The following KCNH8 variants were observed in gnomAD, a reference collection of about 807,000 sequenced individuals.
KCNH8 encodes potassium voltage-gated channel subfamily H member 8.
A neutral mutation model predicts 103.6 loss-of-function variants in KCNH8; 70 were observed. The ratio of observed to expected loss-of-function variants is 0.68; its 90% CI spans 0.56 to 0.82. KCNH8 has a LOEUF of 0.82. KCNH8 is among the 40% of genes least tolerant of loss of function. The pLI, the probability that KCNH8 is intolerant of heterozygous loss-of-function variation, is 0.00. For synonymous variants in KCNH8, 498 were observed against 489.4 expected, an observed-to-expected ratio of 1.02 and a Z score of -0.23; for missense variants, 1,217 against 1,329.9, an observed-to-expected ratio of 0.92 and a Z score of 1.32.
At chr3:19,376,011 A>C (rs996345071) in intron 5 of KCNH8, among the ~76,000 whole-genome samples, 3 of 152,118 alleles carry the variant, frequency 2.0e-5, no homozygotes, top group African/African-American at 4.8e-5. Flanking sequence ...AAGCTGTCAG[A>C]CAGGGACATT....
chr3:19,487,813 C>A (rs534055179), intron 11 of KCNH8, among the ~76,000 whole-genome samples: 9 of 152,164 alleles, frequency 5.9e-5, no homozygotes, highest in Admixed American at 2.0e-4. Flanking sequence ...AGTCTCTTCC[C>A]AGCAAAGGCA....
At chr3:19,488,550 G>T (rs1052542569) in intron 11 of KCNH8, among the ~76,000 whole-genome samples, 1 of 152,116 alleles carries the variant, frequency 6.6e-6, no homozygotes, top group Non-Finnish European at 1.5e-5. Flanking sequence ...GTGTACATAC[G>T]GTAAGCCTCA....
chr3:19,224,271 G>A (rs1448528773), intron 1 of KCNH8, among the ~76,000 whole-genome samples: 2 of 151,934 alleles, frequency 1.3e-5, no homozygotes, highest in Non-Finnish European at 2.9e-5. Context: ...TTCCAACTTA[G>A]AAAATATTTA....
chr3:19,275,499 G>A (rs1196711047), intron 2 of KCNH8, among the ~76,000 whole-genome samples: 1 of 152,040 alleles, frequency 6.6e-6, no homozygotes, highest in Non-Finnish European at 1.5e-5. Flanking sequence ...TTGACCCGAC[G>A]TAAATTCAGT....
rs572750768 is a variant in KCNH8, at chr3:19,401,344, G to A, written c.1177+6033G>A. On this transcript the variant is annotated intron_variant, in intron 7 of 15. Coordinates refer to ENST00000328405, the MANE Select transcript of KCNH8 (RefSeq NM_144633.3). ...TCAGTCCTTTCTATCCTTTTCCACC[G>A]TCCTATACTTTTTCAATCCCCAACA... Among the ~76,000 whole-genome samples, 18 of 152,050 alleles carry A rather than the reference G, an allele frequency of 1.2e-4. 1 individual carries two copies. The South Asian group carries it at 2.3e-3, about 19-fold the overall frequency.
At chr3:19,262,206 T>C (rs887216467) in intron 2 of KCNH8, among the ~76,000 whole-genome samples, 2 of 151,996 alleles carry the variant, frequency 1.3e-5, no homozygotes, top group Non-Finnish European at 2.9e-5. Flanking sequence ...AGTGTGGACA[T>C]TTTAACAATA....
chr3:19,512,127 T>C (rs2068793511), intron 12 of KCNH8, among the ~76,000 whole-genome samples: 1 of 152,322 alleles, frequency 6.6e-6, no homozygotes, highest in Admixed American at 6.5e-5. Context: ...AGAGAAGCCA[T>C]GTCTGGGGCA....
rs778853658 is a variant in KCNH8 at position 19,304,803 on chromosome 3, G to A, written c.442+23474G>A. Among the ~76,000 whole-genome samples the A allele has an allele frequency of 1.1e-3, 173 of 152,190 alleles. 4 individuals are homozygous for A. The highest frequency in any genetic ancestry group is 2.6e-4 in the African/African-American group (11 of 41,544). The stretch of plus-strand genomic sequence containing the variant: ...CATGTGGCTATTGAGCACTTGAGAC[G>A]TGGCTAGTGTTACTAAGAAAGTTAG... On this transcript the variant is annotated intron_variant, in intron 3 of 15. Coordinates refer to ENST00000328405, the MANE Select transcript of KCNH8 (RefSeq NM_144633.3).
At chr3:19,244,079 G>A (rs949808031) in intron 1 of KCNH8, among the ~76,000 whole-genome samples, 6 of 152,074 alleles carry the variant, frequency 3.9e-5, no homozygotes, top group South Asian at 2.1e-4. Context: ...TTTTTAAAAG[G>A]TATAAAATTA....
chr3:19,452,512 T>G (rs2067464574), intron 10 of KCNH8, among the ~76,000 whole-genome samples: 1 of 152,148 alleles, frequency 6.6e-6, no homozygotes, highest in African/African-American at 2.4e-5. Flanking sequence ...AATCCTTGCC[T>G]GCATGAAAAT....
chr3:19,522,865 G>T (rs2068997038), intron 15 of KCNH8, among the ~76,000 whole-genome samples: 1 of 151,604 alleles, frequency 6.6e-6, no homozygotes, highest in Non-Finnish European at 1.5e-5. Context: ...GGTTTTCTTT[G>T]TGAGATAAAT....
intron 8 of KCNH8, among the ~76,000 whole-genome samples, chr3:19,447,881 T>G (rs906935860): frequency 1.3e-5 from 2 of 152,046 alleles, no homozygotes; most frequent in Non-Finnish European, 2.9e-5. Flanking sequence ...TGGGAAACAT[T>G]TAATTTTTGA....
intron 7 of KCNH8, among the ~76,000 whole-genome samples, chr3:19,396,887 G>A (rs923089046): frequency 1.3e-5 from 2 of 151,932 alleles, no homozygotes; most frequent in African/African-American, 4.8e-5. Context: ...CTTGTGGTCA[G>A]CACCTGATTC....
intron 3 of KCNH8, among the ~76,000 whole-genome samples, chr3:19,309,585 T>C (rs1219641687): frequency 2.0e-5 from 3 of 151,960 alleles, no homozygotes; most frequent in African/African-American, 7.2e-5. Context: ...ATAACTAACA[T>C]ATATTATTCT....
intron 3 of KCNH8, among the ~76,000 whole-genome samples, chr3:19,338,814 G>A (rs1046425954): frequency 9.2e-5 from 14 of 151,986 alleles, no homozygotes; most frequent in African/African-American, 3.4e-4. Flanking sequence ...AGATATTTCT[G>A]TTAATAGGAA....
At chr3:19,226,051 T>G (rs2063927340) in intron 1 of KCNH8, among the ~76,000 whole-genome samples, 1 of 152,234 alleles carries the variant, frequency 6.6e-6, no homozygotes, top group African/African-American at 2.4e-5. Flanking sequence ...GAAATTCTTC[T>G]TGACCATATG....
intron 1 of KCNH8, among the ~76,000 whole-genome samples, chr3:19,248,960 G>A (rs1348854574): frequency 1.3e-5 from 2 of 152,114 alleles, no homozygotes; most frequent in Non-Finnish European, 2.9e-5. Context: ...TGCTAAGAAA[G>A]CATTTAGAGA....
chr3:19,154,766 T>C (rs949902360), intron 1 of KCNH8, among the ~76,000 whole-genome samples: 1 of 152,176 alleles, frequency 6.6e-6, no homozygotes, highest in Non-Finnish European at 1.5e-5. Context: ...ATGTCCTTGG[T>C]CAAGAAAAAG....
chr3:19,186,707 C>T (rs1343049380), intron 1 of KCNH8, among the ~76,000 whole-genome samples: 2 of 151,840 alleles, frequency 1.3e-5, no homozygotes, highest in South Asian at 2.1e-4. Flanking sequence ...GCAGATGTTA[C>T]GAAGTTCAAA....
Sources: allele counts gnomAD v4.1 joint callset (sites outside exome capture counted in the v4.1 genomes callset), GRCh38; gene constraint gnomAD v4.1.1; transcripts MANE v1.5; gene names NCBI Gene and HGNC (gene_info 2026-07-23, HGNC 2026-07-21).